Variants in ZNF248 observed in about 807,000 individuals in gnomAD.
ZNF248 encodes the protein zinc finger protein 248.
A neutral mutation model predicts 44.3 loss-of-function variants in ZNF248; 20 were observed. The observed-to-expected ratio is 0.45, with a 90% CI of 0.32 to 0.66. The LOEUF (loss-of-function observed/expected upper bound fraction) is 0.66, where lower values mean the gene tolerates loss of function less well. Among genes scored for constraint, ZNF248 ranks in the 30% least tolerant of loss-of-function variants. The pLI is 0.04. For synonymous variants in ZNF248, 224 were observed against 229.0 expected, an observed-to-expected ratio of 0.98 and a Z score of 0.20; for missense variants, 654 against 677.0, an observed-to-expected ratio of 0.97 and a Z score of 0.38.
the ZNF248 span, among the ~76,000 whole-genome samples, chr10:37,768,783 G>GA: frequency 6.6e-6 from 1 of 152,132 alleles, no homozygotes; most frequent in Non-Finnish European, 1.5e-5. Flanking sequence ...GAGCAGAACT[G>GA]AAGGAAATAG....
chr10:37,817,457 A>G (rs532284639), intron 6 of ZNF248, among the ~76,000 whole-genome samples: 1 of 152,294 alleles, frequency 6.6e-6, no homozygotes, highest in African/African-American at 2.4e-5. Flanking sequence ...GAAAACCTAG[A>G]GAGACTCCAA....
At position 37,830,072 on chromosome 10, in the gene ZNF248, A is replaced by C. The variant is rs2055210053; in HGVS notation, c.*1543T>G. ...GGAGGCAGAGATACTCTAAAATACT[A>C]ATACGCAGAACTAGTGTTACATAGA... On this transcript the variant is annotated 3_prime_UTR_variant, in exon 6 of 6. Transcript: ENST00000395867. 6 of 985,328 alleles carry C rather than the reference A, an allele frequency of 6.1e-6. No homozygotes were observed. The highest frequency in any genetic ancestry group is 1.0e-3 in the Middle Eastern group (2 of 1,936). 61.0% of individuals were successfully genotyped at this position (985,328 alleles called of 1,614,324 possible).
intron 6 of ZNF248, among the ~76,000 whole-genome samples, chr10:37,816,616 T>C (rs1178436448): frequency 3.9e-5 from 6 of 152,216 alleles, no homozygotes; most frequent in Admixed American, 6.5e-5. Context: ...CTTGGAATTC[T>C]CACTGAAGCT....
chr10:37,798,633 AAG>A (rs2049426803), intron 6 of ZNF248, among the ~76,000 whole-genome samples: 1 of 152,156 alleles, frequency 6.6e-6, no homozygotes, highest in Non-Finnish European at 1.5e-5. Flanking sequence ...CATAACAAGA[AAG>A]GGGTAAAAAT....
At chr10:37,809,916 C>A (rs143416753) in intron 6 of ZNF248, among the ~76,000 whole-genome samples, 1 of 152,226 alleles carries the variant, frequency 6.6e-6, no homozygotes, top group African/African-American at 2.4e-5. Context: ...TAATATCTAT[C>A]TTTTAAAATC....
In ZNF248 at chr10:37,832,737, A is replaced by C. The variant is rs753233266; in HGVS notation, c.618T>G (p.Ser206Arg). Residue 206 changes from serine to arginine, a missense_variant, in exon 6 of 6, where the codon AGT becomes AGG. Ser to Arg is a moderately radical substitution (Grantham distance 110). Coordinates refer to ENST00000395867, the MANE Select transcript of ZNF248 (RefSeq NM_021045.3). ...RNAINYHQDL[S>R]QPSFGQSFEY... ...CAAAAGATTGGCCAAAACTTGGCTG[A>C]CTGAGATCCTGGTGATAATTAATGG... is the stretch of plus-strand genomic sequence containing the variant. 29 of 1,613,580 alleles carry C rather than the reference A, an allele frequency of 1.8e-5. No homozygotes were observed. The South Asian group carries it at 2.7e-4, about 15-fold the overall frequency.
rs771626628 is a variant in ZNF248 at position 37,837,969 on chromosome 10, GA to G, written c.142+15del. 1.1e-5 allele frequency: 18 copies of G among 1,610,448 alleles called. No individual in the cohort carries two copies. Among genetic ancestry groups the G allele is most frequent in the South Asian group, 1.1e-5 (1 of 90,698 alleles). ...TGCATGCTATTGATAGCCATGTGCG[GA>G]AAAAAACTCCTTACCTACTGAGACA... On this transcript the variant is annotated intron_variant, in intron 4 of 5. Coordinates refer to ENST00000395867, the MANE Select transcript of ZNF248 (RefSeq NM_021045.3).
intron 3 of ZNF248, among the ~76,000 whole-genome samples, chr10:37,848,791 T>C (rs2059747998): frequency 6.6e-6 from 1 of 152,188 alleles, no homozygotes; most frequent in Non-Finnish European, 1.5e-5. Flanking sequence ...CCTTACCAAT[T>C]CATCTACAAT....
downstream of ZNF248, among the ~76,000 whole-genome samples, chr10:37,771,528 A>G (rs1013518403): frequency 6.6e-6 from 1 of 151,720 alleles, no homozygotes; most frequent in Non-Finnish European, 1.5e-5. Flanking sequence ...AAGGACAAAA[A>G]AATCAAAACA....
intron 6 of ZNF248, among the ~76,000 whole-genome samples, chr10:37,810,897 T>G (rs2051382556): frequency 6.6e-6 from 1 of 152,200 alleles, no homozygotes; most frequent in Non-Finnish European, 1.5e-5. Flanking sequence ...CTGTTGCTAT[T>G]GTGGTGAGCT....
At chr10:37,850,254 G>A (rs1305508041) in intron 3 of ZNF248, among the ~76,000 whole-genome samples, 8 of 152,148 alleles carry the variant, frequency 5.3e-5, no homozygotes, top group Admixed American at 2.6e-4. Context: ...ATACAGAACA[G>A]TCATAAATAG....
chr10:37,822,957 A>T (rs2133679171), intron 6 of ZNF248, among the ~76,000 whole-genome samples: 1 of 152,296 alleles, frequency 6.6e-6, no homozygotes, highest in Admixed American at 6.5e-5. Context: ...AACTTGGTCA[A>T]GATGTTTACA....
In ZNF248 at chr10:37,841,306, C is replaced by T. The variant is rs542188905; in HGVS notation, c.16-3195G>A. 1.1e-4 allele frequency among the ~76,000 whole-genome samples: 17 copies of T among 152,244 alleles called. No individual in the cohort carries two copies. In the South Asian group the frequency reaches 2.9e-3, roughly 26 times the overall value. ...TCTTGTTTTATGTGATGATGATCTA[C>T]TGAAACTTTCTGAGGCAATGACTAA... On this transcript the variant is annotated intron_variant, in intron 3 of 5. Coordinates refer to ENST00000395867, the MANE Select transcript of ZNF248 (RefSeq NM_021045.3).
At chr10:37,814,894 A>G (rs2052165228) in intron 6 of ZNF248, among the ~76,000 whole-genome samples, 1 of 152,096 alleles carries the variant, frequency 6.6e-6, no homozygotes, top group Admixed American at 6.6e-5. Flanking sequence ...TCTTACTTGA[A>G]GTTTATTGTG....
chr10:37,801,740 A>AAGTGTCAGCAAGGAAGCAGAGTG (rs1398569320), intron 6 of ZNF248, among the ~76,000 whole-genome samples: 47 of 152,336 alleles, frequency 3.1e-4, no homozygotes, highest in African/African-American at 1.0e-3. Flanking sequence ...TGACAACACC[A>AAGTGTCAGCAAGGAAGCAGAGTG]AGTGTCAGCA....
Position 37,831,772 on chromosome 10 carries a change from G to A in ZNF248, c.1583C>T (p.Thr528Ile). The change falls in exon 6 of 6, where the codon ACC (threonine) becomes ATC (isoleucine). Residue 528 changes from threonine to isoleucine, a missense_variant. Thr to Ile is a moderately conservative substitution (Grantham distance 89, BLOSUM62 -1). Coordinates refer to ENST00000395867, the MANE Select transcript of ZNF248 (RefSeq NM_021045.3). ...KPYKCNECGK[T>I]FCEKSALTKH... Reference sequence around the variant, plus strand: ...AGTGAGAGCTGATTTTTCACAGAAGGTTTTCCCACATTCATTACACTTATA... The same window carrying A: ...AGTGAGAGCTGATTTTTCACAGAAGATTTTCCCACATTCATTACACTTATA... 6.2e-7 allele frequency: 1 copy of A among 1,613,220 alleles called. No homozygotes were observed. Among genetic ancestry groups the A allele is most frequent in the Non-Finnish European group, 8.5e-7 (1 of 1,179,304 alleles).
At chr10:37,793,191 C>G (rs1270190766) in intron 6 of ZNF248, among the ~76,000 whole-genome samples, 1 of 151,908 alleles carries the variant, frequency 6.6e-6, no homozygotes, top group Non-Finnish European at 1.5e-5. Context: ...AAAAATTACC[C>G]AGGCATGGTG....
chr10:37,824,843 A>G (rs1209425), downstream of ZNF248, among the ~76,000 whole-genome samples: 33,626 of 143,116 alleles, frequency 0.23, 4,113 homozygotes, highest in Middle Eastern at 0.29. Context: ...CACCACACCC[A>G]GCTGATTTTT....
chr10:37,846,947 T>C (rs1286207540), intron 3 of ZNF248, among the ~76,000 whole-genome samples: 7 of 152,198 alleles, frequency 4.6e-5, no homozygotes. Flanking sequence ...ATTTAACAAA[T>C]GTAAAAAAAT....
Sources: allele counts gnomAD v4.1 joint callset (sites outside exome capture counted in the v4.1 genomes callset), GRCh38; gene constraint gnomAD v4.1.1; transcripts MANE v1.5; gene names NCBI Gene and HGNC (gene_info 2026-07-23, HGNC 2026-07-21).